The following TNS3 variants were observed in gnomAD, a reference collection of about 807,000 sequenced individuals.
The protein encoded by TNS3 is tensin 3.
TNS3 carries 45 observed loss-of-function variants against 140.9 expected under a neutral mutation model. The ratio of observed to expected loss-of-function variants is 0.32; its 90% CI spans 0.25 to 0.41. The LOEUF (loss-of-function observed/expected upper bound fraction) is 0.41, where lower values mean the gene tolerates loss of function less well. TNS3 is among the 10% of genes least tolerant of loss of function. The pLI is 1.00. For synonymous variants in TNS3, 815 were observed against 788.4 expected (o/e 1.03, Z -0.56); for missense variants, 1,716 against 1,906.7 (o/e 0.90, Z 1.86).
At chr7:47,504,221 T>C (rs564456681) in intron 3 of TNS3, among the ~76,000 whole-genome samples, 1 of 152,328 alleles carries the variant, frequency 6.6e-6, no homozygotes, top group African/African-American at 2.4e-5. Context: ...CTTCTCAAAA[T>C]GTCCCAACGA....
intron 1 of TNS3, among the ~76,000 whole-genome samples, chr7:47,530,836 A>ATATATATATATATATAT (rs1236106676): frequency 3.9e-4 from 13 of 33,264 alleles, no homozygotes; most frequent in Non-Finnish European, 5.6e-4. Context: ...AAAAAAAAAA[A>ATATATATATATATATAT]AAATATATAT....
chr7:47,464,011 C>T (rs1266651452), intron 4 of TNS3, among the ~76,000 whole-genome samples: 2 of 152,170 alleles, frequency 1.3e-5, no homozygotes, highest in Non-Finnish European at 2.9e-5. Flanking sequence ...GTAATCACAG[C>T]CTAGTCCACC....
chr7:47,276,185 C>A lies in TNS3; in HGVS notation c.*1891G>T. ...CCAGCACCTCCTGACAGTCATGCCA[C>A]CGCAAGTTAGAGAAGGAGGTCCACA... On this transcript the variant is annotated 3_prime_UTR_variant, in exon 31 of 31. Transcript: ENST00000311160. 1 of 191,528 alleles carries A rather than the reference C, an allele frequency of 5.2e-6. No individual in the cohort carries two copies. Among genetic ancestry groups the A allele is most frequent in the Non-Finnish European group, 1.1e-5 (1 of 91,724 alleles). The allele number at this position is 191,528 out of a possible 1,614,324, so 11.9% of individuals were successfully genotyped here.
upstream of TNS3, chr7:47,582,564 A>G (rs1784561781): frequency 1.1e-5 from 5 of 445,796 alleles, 1 homozygote; most frequent in East Asian, 7.4e-5. Flanking sequence ...TCGCGCATAC[A>G]TAAAGGAGCA....
At chr7:47,485,857 C>T (rs752820795) in intron 3 of TNS3, among the ~76,000 whole-genome samples, 5 of 152,228 alleles carry the variant, frequency 3.3e-5, no homozygotes, top group Admixed American at 3.3e-4. Context: ...AGCAGGTCCA[C>T]AGGACAGAGG....
chr7:47,439,747 C>T lies in TNS3; in HGVS notation c.-22-89G>A, dbSNP rs1384270995. ...GAAAAAGGTGAAGACGACGGACACT[C>T]ATCCCCTGGGTGTTCACATCAGCAC... is the stretch of plus-strand genomic sequence containing the variant. On this transcript the variant is annotated intron_variant, in intron 5 of 30. Transcript: ENST00000311160. 5 of 1,404,932 alleles carry T rather than the reference C, an allele frequency of 3.6e-6. No homozygotes were observed. In the African/African-American group the frequency reaches 7.1e-5, roughly 20 times the overall value. 87.0% of individuals were successfully genotyped at this position (1,404,932 alleles called of 1,614,324 possible).
intron 17 of TNS3, among the ~76,000 whole-genome samples, chr7:47,365,533 G>C (rs1043770964): frequency 6.6e-6 from 1 of 152,146 alleles, no homozygotes; most frequent in Non-Finnish European, 1.5e-5. Flanking sequence ...GGAAGCCGAG[G>C]GGGGCGGATC....
At chr7:47,310,788 CA>C (rs1787039582) in intron 20 of TNS3, among the ~76,000 whole-genome samples, 1 of 152,208 alleles carries the variant, frequency 6.6e-6, no homozygotes, top group Admixed American at 6.5e-5. Context: ...TCTGATTGTT[CA>C]ATTCCCACCT....
At chr7:47,475,537 G>GGC (rs1317617831) in intron 4 of TNS3, among the ~76,000 whole-genome samples, 1 of 152,218 alleles carries the variant, frequency 6.6e-6, no homozygotes, top group Admixed American at 6.5e-5. Context: ...CTTCCCCGGG[G>GGC]GGGGGGCCAG....
At chr7:47,581,388 C>T (rs1784531302) in intron 1 of TNS3, 1 of 140,482 alleles carries the variant, frequency 7.1e-6, no homozygotes, top group Admixed American at 8.0e-5. Context: ...CGCGTAAAGA[C>T]CCCCTGCCTC....
intron 1 of TNS3, among the ~76,000 whole-genome samples, chr7:47,572,119 G>C (rs1415232377): frequency 1.3e-5 from 2 of 152,224 alleles, no homozygotes; most frequent in Admixed American, 6.5e-5. Context: ...CCGACAAGCT[G>C]AGCTGATGTG....
intron 20 of TNS3, among the ~76,000 whole-genome samples, chr7:47,334,550 A>G (rs1369194392): frequency 6.7e-6 from 1 of 148,454 alleles, no homozygotes; most frequent in Non-Finnish European, 1.5e-5. Context: ...ATGTGTTTAT[A>G]TTTTTAAAAA....
chr7:47,464,499 C>G (rs549725145), intron 4 of TNS3, among the ~76,000 whole-genome samples: 1 of 152,084 alleles, frequency 6.6e-6, no homozygotes, highest in East Asian at 1.9e-4. Flanking sequence ...GGTGGCAGCC[C>G]CACCCCAGCA....
chr7:47,336,156 C>T (rs59633712), intron 20 of TNS3, among the ~76,000 whole-genome samples: 5 of 147,658 alleles, frequency 3.4e-5, no homozygotes, highest in African/African-American at 1.3e-4. Flanking sequence ...AGCCTCTATT[C>T]TTCATGACTA....
intron 17 of TNS3, among the ~76,000 whole-genome samples, chr7:47,367,503 C>T (rs1333056366): frequency 6.6e-6 from 1 of 152,236 alleles, no homozygotes; most frequent in Non-Finnish European, 1.5e-5. Flanking sequence ...AGCCCTGGTT[C>T]CTCCCAGGCC....
At chr7:47,395,548 TAA>T (rs1792779539) in intron 16 of TNS3, among the ~76,000 whole-genome samples, 1 of 152,250 alleles carries the variant, frequency 6.6e-6, no homozygotes, top group African/African-American at 2.4e-5. Flanking sequence ...CTCACAGCTT[TAA>T]GATTCCAGTG....
At chr7:47,468,821 C>T (rs1357936888) in intron 4 of TNS3, among the ~76,000 whole-genome samples, 12 of 152,178 alleles carry the variant, frequency 7.9e-5, no homozygotes, top group Admixed American at 7.9e-4. Context: ...AAAGGCATCA[C>T]ATTATTCAAC....
intron 4 of TNS3, among the ~76,000 whole-genome samples, chr7:47,459,148 A>G (rs539988948): frequency 6.6e-6 from 1 of 152,328 alleles, no homozygotes; most frequent in Non-Finnish European, 1.5e-5. Context: ...TTTTGGTCTC[A>G]AATTTCCCAC....
intron 17 of TNS3, among the ~76,000 whole-genome samples, chr7:47,367,311 G>A (rs1309570752): frequency 6.6e-6 from 1 of 152,186 alleles, no homozygotes; most frequent in Admixed American, 6.5e-5. Flanking sequence ...CCTGCTGAGT[G>A]TTTCCCTGGC....
Sources: allele counts gnomAD v4.1 joint callset (sites outside exome capture counted in the v4.1 genomes callset), GRCh38; gene constraint gnomAD v4.1.1; transcripts MANE v1.5; gene names NCBI Gene and HGNC (gene_info 2026-07-23, HGNC 2026-07-21).